The following EXOC6B variants were observed in gnomAD, a reference collection of about 807,000 sequenced individuals.
EXOC6B encodes SEC15 homolog B.
A neutral mutation model predicts 113.5 loss-of-function variants in EXOC6B; 54 were observed. The ratio of observed to expected loss-of-function variants is 0.48; its 90% confidence interval spans 0.38 to 0.60. EXOC6B has a LOEUF of 0.60. Among genes scored for constraint, EXOC6B ranks in the 20% least tolerant of loss-of-function variants. The pLI, the probability that EXOC6B is intolerant of heterozygous loss-of-function variation, is 0.00. For missense variants in EXOC6B, 797 were observed against 977.5 expected (o/e 0.82, Z 2.46); for synonymous variants, 357 against 339.0 (o/e 1.05, Z -0.58).
chr2:72,666,208 G>C (rs1441184970), intron 6 of EXOC6B, among the ~76,000 whole-genome samples: 1 of 152,100 alleles, frequency 6.6e-6, no homozygotes, highest in Non-Finnish European at 1.5e-5. Flanking sequence ...TGAAAGCCTT[G>C]AACACCCTAC....
Position 72,804,175 on chromosome 2 carries a change from T to C in EXOC6B, c.113+21623A>G, listed in dbSNP as rs182555965. 1.8e-4 allele frequency among the ~76,000 whole-genome samples: 27 copies of C among 152,342 alleles called. No individual in the cohort carries two copies. In the East Asian group the frequency reaches 2.3e-3, roughly 13 times the overall value. On this transcript the variant is annotated intron_variant, in intron 1 of 21. Coordinates refer to ENST00000272427, the MANE Select transcript of EXOC6B (RefSeq NM_015189.3). Reference sequence around the variant, plus strand: ...ACAGGAATGATACTGCTTTCACTAGTGATTCTAGGATGTAGAAAAAGCAAA... The same window carrying C: ...ACAGGAATGATACTGCTTTCACTAGCGATTCTAGGATGTAGAAAAAGCAAA...
At chr2:72,733,264 T>C in intron 2 of EXOC6B, 146 bp from the exon 3 acceptor site, 1 of 647,802 alleles carries the variant, frequency 1.5e-6, no homozygotes, top group South Asian at 1.9e-5. Flanking sequence ...GGCATTCTCT[T>C]GGGTTTAAAT....
At chr2:72,217,904 G>T (rs930782180) in intron 20 of EXOC6B, among the ~76,000 whole-genome samples, 2 of 152,120 alleles carry the variant, frequency 1.3e-5, no homozygotes, top group Non-Finnish European at 2.9e-5. Flanking sequence ...TGGTCATTAT[G>T]TACCAGACAC....
intron 18 of EXOC6B, among the ~76,000 whole-genome samples, chr2:72,417,084 G>C (rs192813109): frequency 1.3e-5 from 2 of 151,626 alleles, no homozygotes; most frequent in African/African-American, 4.8e-5. Flanking sequence ...TCCCATTCTG[G>C]TATCAATTTT....
intron 20 of EXOC6B, among the ~76,000 whole-genome samples, chr2:72,332,006 A>T (rs928018956): frequency 1.8e-4 from 27 of 152,108 alleles, no homozygotes; most frequent in Admixed American, 2.0e-4. Flanking sequence ...TTATTCATTA[A>T]ATTGATACTG....
intron 1 of EXOC6B, among the ~76,000 whole-genome samples, chr2:72,749,981 G>A (rs935594522): frequency 4.0e-4 from 61 of 151,480 alleles, no homozygotes; most frequent in African/African-American, 1.5e-3. Flanking sequence ...ATATATAAAT[G>A]CATGTATTAT....
chr2:72,205,217 A>C (rs1190682258), intron 20 of EXOC6B, among the ~76,000 whole-genome samples: 1 of 152,188 alleles, frequency 6.6e-6, no homozygotes, highest in Non-Finnish European at 1.5e-5. Flanking sequence ...AGAGATGAGG[A>C]AGCCCCAACA....
chr2:72,338,341 C>T (rs969851022), intron 19 of EXOC6B, among the ~76,000 whole-genome samples: 3 of 152,030 alleles, frequency 2.0e-5, no homozygotes, highest in Non-Finnish European at 4.4e-5. Flanking sequence ...AGGTTCATAG[C>T]GTACACTGAA....
chr2:72,504,360 A>T (rs1312916014), intron 11 of EXOC6B, among the ~76,000 whole-genome samples: 2 of 152,290 alleles, frequency 1.3e-5, no homozygotes, highest in South Asian at 2.1e-4. Flanking sequence ...ACTGAGACTT[A>T]ATCAATATTT....
chr2:72,740,125 GT>G (rs946641997), intron 2 of EXOC6B, among the ~76,000 whole-genome samples: 2 of 152,082 alleles, frequency 1.3e-5, no homozygotes, highest in African/African-American at 4.8e-5. Context: ...AATCAATTGA[GT>G]TTTTAAATTA....
At chr2:72,660,788 T>G (rs942290877) in intron 6 of EXOC6B, among the ~76,000 whole-genome samples, 3 of 151,728 alleles carry the variant, frequency 2.0e-5, no homozygotes, top group African/African-American at 7.3e-5. Context: ...GACCAGAAGT[T>G]GAAGTATTAC....
chr2:72,222,779 A>C (rs1366752763), intron 20 of EXOC6B, among the ~76,000 whole-genome samples: 1 of 152,186 alleles, frequency 6.6e-6, no homozygotes, highest in Non-Finnish European at 1.5e-5. Flanking sequence ...CATCACCAGC[A>C]TTTCAAATAA....
At chr2:72,181,895 T>C (rs536551944) in intron 21 of EXOC6B, among the ~76,000 whole-genome samples, 3 of 152,366 alleles carry the variant, frequency 2.0e-5, no homozygotes, top group Admixed American at 2.0e-4. Flanking sequence ...CCCAATATCC[T>C]GTTCTACTTT....
At chr2:72,704,684 G>A (rs370461683) in intron 6 of EXOC6B, among the ~76,000 whole-genome samples, 42 of 151,588 alleles carry the variant, frequency 2.8e-4, no homozygotes, top group East Asian at 2.7e-3. Flanking sequence ...CTACCATCAG[G>A]GAATACTACA....
intron 6 of EXOC6B, among the ~76,000 whole-genome samples, chr2:72,603,380 C>G (rs1344997264): frequency 6.6e-6 from 1 of 151,960 alleles, no homozygotes; most frequent in Non-Finnish European, 1.5e-5. Context: ...CCCCCAGCAC[C>G]TGAGAATTTT....
intron 17 of EXOC6B, among the ~76,000 whole-genome samples, chr2:72,480,370 CATAAGGA>C (rs771389760): frequency 1.2e-4 from 19 of 152,196 alleles, no homozygotes; most frequent in Non-Finnish European, 2.6e-4. Flanking sequence ...ATGTACAAAA[CATAAGGA>C]AGGGTTTAGA....
intron 20 of EXOC6B, among the ~76,000 whole-genome samples, chr2:72,224,972 C>G (rs998131188): frequency 2.6e-4 from 33 of 127,786 alleles, no homozygotes; most frequent in African/African-American, 9.1e-4. Context: ...GTATATACAT[C>G]TCTCTCTGTA....
chr2:72,620,138 A>G (rs1309795175), intron 6 of EXOC6B, among the ~76,000 whole-genome samples: 2 of 152,240 alleles, frequency 1.3e-5, no homozygotes, highest in Non-Finnish European at 2.9e-5. Flanking sequence ...GTCAGAGGTC[A>G]GTGCCTCCCA....
chr2:72,547,268 T>C (rs1702961994), intron 8 of EXOC6B, among the ~76,000 whole-genome samples: 4 of 152,226 alleles, frequency 2.6e-5, no homozygotes, highest in Admixed American at 2.6e-4. Context: ...AAAAATGAAG[T>C]TCTTATGATT....
Sources: gnomAD v4.1 joint callset for allele counts (sites outside exome capture counted in the v4.1 genomes callset) on GRCh38, gnomAD v4.1.1 for gene constraint, MANE v1.5 for transcripts, NCBI Gene and HGNC (gene_info 2026-07-23, HGNC 2026-07-21) for gene names.